The following ETS2 variants were observed in gnomAD, a reference collection of about 807,000 sequenced individuals.
The protein encoded by ETS2 is protein C-ets-2.
A neutral mutation model predicts 54.9 loss-of-function variants in ETS2; 19 were observed. The ratio of observed to expected loss-of-function variants is 0.35; its 90% confidence interval spans 0.24 to 0.51. The LOEUF is 0.51. Ranked by LOEUF, ETS2 falls within the 20% of genes least tolerant of loss-of-function variation. ETS2 has a pLI of 0.97. For missense variants in ETS2, 417 were observed against 593.0 expected, an observed-to-expected ratio of 0.70 and a Z score of 3.08; for synonymous variants, 219 against 229.3, an observed-to-expected ratio of 0.95 and a Z score of 0.41.
At position 38,822,829 on chromosome 21, in the gene ETS2, G is replaced by A. The variant is rs759364558; in HGVS notation, c.1350G>A (p.Leu450=). Residue 450 remains leucine, a synonymous_variant, in exon 10 of 10, where the codon CTG becomes CTA. Coordinates refer to ENST00000360938, the MANE Select transcript of ETS2 (RefSeq NM_005239.6). ...TCGTGTGCGACCTCCAGAACTTGCT[G>A]GGGTTCACGCCCGAGGAACTGCACG... ...YRFVCDLQNL[L]GFTPEELHAI... The A allele has an allele frequency of 6.2e-7, 1 of 1,612,550 alleles. No homozygotes were observed. The highest frequency in any genetic ancestry group is 1.1e-5 in the South Asian group (1 of 90,986).
In ETS2 at chr21:38,817,004, T is replaced by G. The variant is rs1263977611; in HGVS notation, c.506-4T>G. On this transcript the variant is annotated splice_polypyrimidine_tract_variant and splice_region_variant and intron_variant, in intron 5 of 9. Coordinates refer to ENST00000360938, the MANE Select transcript of ETS2 (RefSeq NM_005239.6). ...ATCTTACGTCTCCTGTGTCTGCTTT[T>G]CAGAAAACCAAGAAAAGACAGAAGA... 1 of 1,597,922 alleles carries G rather than the reference T, an allele frequency of 6.3e-7. No homozygotes were observed. Among genetic ancestry groups the G allele is most frequent in the Non-Finnish European group, 8.6e-7 (1 of 1,165,464 alleles).
At chr21:38,807,840 C>T (rs2060899282) in intron 1 of ETS2, among the ~76,000 whole-genome samples, 1 of 152,330 alleles carries the variant, frequency 6.6e-6, no homozygotes, top group South Asian at 2.1e-4. Flanking sequence ...AAAGAGCTGA[C>T]CCATCCGGCT....
intron 3 of ETS2, among the ~76,000 whole-genome samples, chr21:38,813,401 C>G (rs753925740): frequency 1.3e-5 from 2 of 152,178 alleles, no homozygotes; most frequent in Non-Finnish European, 2.9e-5. Flanking sequence ...CATTGGCAAG[C>G]AGGTCCTCAT....
In ETS2 at chr21:38,823,065, TG is replaced by T. The variant is rs2060964942; in HGVS notation, c.*177del. On this transcript the variant is annotated 3_prime_UTR_variant, in exon 10 of 10. Coordinates refer to ENST00000360938, the MANE Select transcript of ETS2 (RefSeq NM_005239.6). The stretch of plus-strand genomic sequence containing the variant: ...CGCCTCTTGACCAGGCTGCCTCCCT[TG>T]TGGCAGCAACGGCACAGCTAATTCT... The T allele has an allele frequency of 2.1e-6, 1 of 467,912 alleles. No individual in the cohort carries two copies. The highest frequency in any genetic ancestry group is 3.4e-5 in the East Asian group (1 of 29,338). The allele number at this position is 467,912 out of a possible 1,614,324, so 29.0% of individuals were successfully genotyped here. A position where few individuals can be genotyped will look rare whatever the true frequency, so the allele number is the denominator to read the frequency against.
At position 38,814,419 on chromosome 21, in the gene ETS2, C is replaced by T. The variant is rs1392354031; in HGVS notation, c.304+27C>T. The T allele has an allele frequency of 6.2e-7, 1 of 1,612,624 alleles. No homozygotes were observed. The highest frequency in any genetic ancestry group is 8.5e-7 in the Non-Finnish European group (1 of 1,179,414). ...TAAGTACTGCTTTCCTGAGCCTGCA[C>T]TGGGTGAGAAGAACCAACTTCAGTG... On this transcript the variant is annotated intron_variant, in intron 4 of 9. Coordinates refer to ENST00000360938, the MANE Select transcript of ETS2 (RefSeq NM_005239.6). This position sits in a 1 kb window ranked among gnomAD's most constrained non-coding sequence, Gnocchi z 4.2.
chr21:38,808,337 T>C (rs1218442538), intron 1 of ETS2, among the ~76,000 whole-genome samples: 2 of 152,182 alleles, frequency 1.3e-5, no homozygotes, highest in African/African-American at 4.8e-5. Flanking sequence ...CAGCCATCAA[T>C]AGGAGAGACT....
chr21:38,817,367 T>C (rs2060939646), intron 6 of ETS2, among the ~76,000 whole-genome samples: 1 of 152,270 alleles, frequency 6.6e-6, no homozygotes, highest in African/African-American at 2.4e-5. Flanking sequence ...TGATTACATA[T>C]TGAAATGATA....
rs139241184 is a variant in ETS2 at position 38,814,307 on chromosome 21, G to C, written c.219G>C (p.Pro73=). 2 of 1,614,036 alleles carry C rather than the reference G, an allele frequency of 1.2e-6. No individual in the cohort carries two copies. Among genetic ancestry groups the C allele is most frequent in the Admixed American group, 3.3e-5 (2 of 60,026 alleles). Residue 73 remains proline (P), a synonymous_variant, in exon 4 of 10, where the codon CCG becomes CCC. Transcript: ENST00000360938. The surrounding 1 kb of genome is among the most constrained non-coding windows in gnomAD (Gnocchi z 4.2). ...ACTGTGAATTGCCTTTGTTAACCCCGTGCAGCAAGGCTGTGATGAGTCAAG... is the reference window on the plus strand; with the variant it reads ...ACTGTGAATTGCCTTTGTTAACCCCCTGCAGCAAGGCTGTGATGAGTCAAG... The part of the protein sequence containing the change: ...SANCELPLLT[P]CSKAVMSQAL...
At chr21:38,809,348 C>A (rs923520399) in intron 1 of ETS2, among the ~76,000 whole-genome samples, 13 of 152,152 alleles carry the variant, frequency 8.5e-5, no homozygotes, top group African/African-American at 3.1e-4. Flanking sequence ...AAGGCAGATC[C>A]GTGCTTGGAA....
intron 6 of ETS2, among the ~76,000 whole-genome samples, chr21:38,817,827 C>T (rs955178311): frequency 3.9e-5 from 6 of 152,154 alleles, no homozygotes; most frequent in Admixed American, 6.5e-5. Context: ...CATTCAGACC[C>T]GGTGAAGCCC....
intron 5 of ETS2, among the ~76,000 whole-genome samples, chr21:38,815,411 T>G (rs1488993449): frequency 6.6e-6 from 1 of 152,184 alleles, no homozygotes. Context: ...CTGTGAATTC[T>G]ACTGTAAATT....
At position 38,814,791 on chromosome 21, in the gene ETS2, G is replaced by A; in HGVS notation, c.315G>A (p.Leu105=). Residue 105 remains leucine, a synonymous_variant, in exon 5 of 10, where the codon CTG becomes CTA. Coordinates refer to ENST00000360938, the MANE Select transcript of ETS2 (RefSeq NM_005239.6). The surrounding 1 kb of genome is among the most constrained non-coding windows in gnomAD (Gnocchi z 4.2). ...CTTCTCTCCTGGTAGACCCCTGGCT[G>A]TGGAGTGAGCAACAGGTATGCCAGT... The part of the protein sequence containing the change: ...RRLGIPKNPW[L]WSEQQVCQWL... 1 of 1,614,136 alleles carries A rather than the reference G, an allele frequency of 6.2e-7. No homozygotes were observed. The highest frequency in any genetic ancestry group is 8.5e-7 in the Non-Finnish European group (1 of 1,179,960).
At chr21:38,809,907 C>G in intron 1 of ETS2, 128 bp from the exon 2 acceptor site, 1 of 612,430 alleles carries the variant, frequency 1.6e-6, no homozygotes, top group South Asian at 2.1e-5. Context: ...AACAAGAATT[C>G]CCTGCATTCA....
At chr21:38,809,657 A>G in intron 1 of ETS2, 1 of 208,554 alleles carries the variant, frequency 4.8e-6, no homozygotes, top group Non-Finnish European at 9.5e-6. Context: ...CACTGTACCC[A>G]CCCAAGCACT....
Position 38,821,541 on chromosome 21 carries a change from A to T in ETS2, c.1076-45A>T. ...GATGGTTAAAGACTTGCTGTATTTT[A>T]CATCTGTGAAAGGGTATGATCCGTC... On this transcript the variant is annotated intron_variant, in intron 8 of 9. Coordinates refer to ENST00000360938, the MANE Select transcript of ETS2 (RefSeq NM_005239.6). This position sits in a 1 kb window ranked among gnomAD's most constrained non-coding sequence, Gnocchi z 4.2. 3 of 1,320,252 alleles carry T rather than the reference A, an allele frequency of 2.3e-6. No homozygotes were observed. Among genetic ancestry groups the T allele is most frequent in the South Asian group, 1.2e-5 (1 of 84,858 alleles). 81.8% of individuals were successfully genotyped at this position (1,320,252 alleles called of 1,614,324 possible).
In ETS2 at chr21:38,805,952, G is replaced by C. The variant is rs1283431967; in HGVS notation, c.-169G>C. The stretch of plus-strand genomic sequence containing the variant: ...CCGGTTACTTCCTCCAGAGACTGAC[G>C]AGTGCGGTGTCGCTCCAGCTCAGAG... On this transcript the variant is annotated 5_prime_UTR_variant, in exon 1 of 10. Coordinates refer to ENST00000360938, the MANE Select transcript of ETS2 (RefSeq NM_005239.6). This position sits in a 1 kb window ranked among gnomAD's most constrained non-coding sequence, Gnocchi z 5.2. 7.9e-7 allele frequency: 1 copy of C among 1,270,282 alleles called. No individual in the cohort carries two copies. The allele number at this position is 1,270,282 out of a possible 1,614,324, so 78.7% of individuals were successfully genotyped here.
intron 6 of ETS2, among the ~76,000 whole-genome samples, chr21:38,817,874 G>T (rs761169102): frequency 5.3e-5 from 8 of 152,200 alleles, no homozygotes; most frequent in Non-Finnish European, 2.9e-5. Context: ...TGCTCAGGAG[G>T]TCTTTCTGAA....
chr21:38,808,517 C>T (rs996076914), intron 1 of ETS2, among the ~76,000 whole-genome samples: 8 of 151,606 alleles, frequency 5.3e-5, no homozygotes, highest in South Asian at 2.1e-4. Context: ...ACCTGCACTC[C>T]GAGTGTTTTA....
At position 38,821,548 on chromosome 21, in the gene ETS2, TG is replaced by T; in HGVS notation, c.1076-37del. 1 of 1,386,962 alleles carries T rather than the reference TG, an allele frequency of 7.2e-7. No individual in the cohort carries two copies. Among genetic ancestry groups the T allele is most frequent in the Non-Finnish European group, 1.0e-6 (1 of 973,388 alleles). The allele number at this position is 1,386,962 out of a possible 1,614,324, so 85.9% of individuals were successfully genotyped here. On this transcript the variant is annotated intron_variant, in intron 8 of 9. Transcript: ENST00000360938. This position sits in a 1 kb window ranked among gnomAD's most constrained non-coding sequence, Gnocchi z 4.2. ...AAAGACTTGCTGTATTTTACATCTG[TG>T]AAAGGGTATGATCCGTCTCCCTCCC...
Sources: gnomAD v4.1 joint callset for allele counts (sites outside exome capture counted in the v4.1 genomes callset) on GRCh38, gnomAD v4.1.1 for gene constraint, Gnocchi (gnomAD v3.1) non-coding constraint, MANE v1.5 for transcripts, NCBI Gene and HGNC (gene_info 2026-07-23, HGNC 2026-07-21) for gene names.